The following DDI2 variants were observed in gnomAD, a reference collection of about 807,000 sequenced individuals.
The protein encoded by DDI2 is protein DDI1 homolog 2.
A neutral mutation model predicts 48.1 loss-of-function variants in DDI2; 5 were observed. The ratio of observed to expected loss-of-function variants is 0.10; its 90% confidence interval spans 0.05 to 0.22. The LOEUF (loss-of-function observed/expected upper bound fraction) is 0.22, where lower values mean the gene tolerates loss of function less well. Ranked by LOEUF, DDI2 falls within the 10% of genes least tolerant of loss-of-function variation. DDI2 has a pLI of 1.00. For synonymous variants in DDI2, 205 were observed against 183.6 expected (o/e 1.12, Z -0.94); for missense variants, 285 against 506.2 (o/e 0.56, Z 4.19).
Position 15,661,055 on chromosome 1 carries a change from C to G in DDI2, c.*1265C>G. The G allele has an allele frequency of 6.2e-7, 1 of 1,614,168 alleles. No individual in the cohort carries two copies. ...GGCCAAACCAGTATTAAAGACCTTTCTGAAAGATGGACCCAAAATGAGCAT... is the reference window on the plus strand; with the variant it reads ...GGCCAAACCAGTATTAAAGACCTTTGTGAAAGATGGACCCAAAATGAGCAT... On this transcript the variant is annotated 3_prime_UTR_variant, in exon 10 of 10. Coordinates refer to ENST00000480945, the MANE Select transcript of DDI2 (RefSeq NM_032341.5).
chr1:15,653,973 G>A (rs909741864), intron 8 of DDI2, among the ~76,000 whole-genome samples: 2 of 152,160 alleles, frequency 1.3e-5, no homozygotes, highest in African/African-American at 4.8e-5. Flanking sequence ...GTAAAATGGG[G>A]TAACAGTTTT....
intron 7 of DDI2, among the ~76,000 whole-genome samples, chr1:15,650,711 G>A (rs1325161874): frequency 6.6e-6 from 1 of 152,032 alleles, no homozygotes; most frequent in Non-Finnish European, 1.5e-5. Flanking sequence ...CTGGGTAACA[G>A]AGCAAAACCA....
In DDI2 at chr1:15,660,164, A is replaced by C. The variant is rs1640341837; in HGVS notation, c.*374A>C. On this transcript the variant is annotated 3_prime_UTR_variant, in exon 10 of 10. Transcript: ENST00000480945. The stretch of plus-strand genomic sequence containing the variant: ...CAGAGTCCAGCTATGCCTATGCAGA[A>C]TTCATCCGAAGAAATAACTGTTGCA... 13 of 1,614,224 alleles carry C rather than the reference A, an allele frequency of 8.1e-6. No homozygotes were observed. The highest frequency in any genetic ancestry group is 1.0e-5 in the Non-Finnish European group (12 of 1,180,038).
At chr1:15,635,048 T>G (rs918463632) in intron 4 of DDI2, among the ~76,000 whole-genome samples, 1 of 151,998 alleles carries the variant, frequency 6.6e-6, no homozygotes, top group African/African-American at 2.4e-5. Flanking sequence ...GGCAGCAAAG[T>G]GAGACTCTGT....
intron 5 of DDI2, among the ~76,000 whole-genome samples, chr1:15,641,242 C>A (rs1386701964): frequency 6.6e-6 from 1 of 151,950 alleles, no homozygotes; most frequent in Non-Finnish European, 1.5e-5. Flanking sequence ...GAGGCTGAGG[C>A]GGGTAGACCA....
At chr1:15,623,957 A>G (rs1639712674) in intron 1 of DDI2, among the ~76,000 whole-genome samples, 1 of 152,062 alleles carries the variant, frequency 6.6e-6, no homozygotes, top group South Asian at 2.1e-4. Flanking sequence ...CCAGCTACTC[A>G]GGAGGCTGAA....
chr1:15,625,156 A>G (rs557599711), intron 1 of DDI2, among the ~76,000 whole-genome samples: 5 of 152,346 alleles, frequency 3.3e-5, no homozygotes, highest in East Asian at 1.9e-4. Context: ...GAAAGCTGTA[A>G]GGAAACATAG....
chr1:15,661,790 G>A lies in DDI2; in HGVS notation c.*2000G>A, dbSNP rs569043312. 15 of 1,503,604 alleles carry A rather than the reference G, an allele frequency of 1.0e-5. No homozygotes were observed. Among genetic ancestry groups the A allele is most frequent in the East Asian group, 9.3e-5 (4 of 43,168 alleles). The allele number at this position is 1,503,604 out of a possible 1,614,324, so 93.1% of individuals were successfully genotyped here. On this transcript the variant is annotated 3_prime_UTR_variant, in exon 10 of 10. Transcript: ENST00000480945. ...AAAAGAAAGCTCTCTCTATATACAC[G>A]CACACATACACACTCACCACATATA...
Position 15,656,597 on chromosome 1 carries a change from C to CT in DDI2, c.1184-19dup. 6.2e-7 allele frequency: 1 copy of CT among 1,614,146 alleles called. No homozygotes were observed. Among genetic ancestry groups the CT allele is most frequent in the South Asian group, 1.1e-5 (1 of 91,076 alleles). Reference sequence around the variant, plus strand: ...GCATTGTTAACCCAAGTTTGCTTGTCTGTTTCCTAATTCACACAGAGCGTC... The same window carrying CT: ...GCATTGTTAACCCAAGTTTGCTTGTCTTGTTTCCTAATTCACACAGAGCGTC... On this transcript the variant is annotated intron_variant, in intron 8 of 9. Transcript: ENST00000480945.
intron 1 of DDI2, among the ~76,000 whole-genome samples, chr1:15,619,794 C>T (rs183175630): frequency 6.6e-4 from 100 of 152,092 alleles, no homozygotes; most frequent in African/African-American, 2.4e-3. Flanking sequence ...TGTTATATTA[C>T]CCTGGTTATG....
In DDI2 at chr1:15,667,781, TAC is replaced by T. The variant is rs1420905770; in HGVS notation, c.*7993_*7994del. The T allele has an allele frequency of 6.6e-6, 1 of 152,232 alleles. No homozygotes were observed. Among genetic ancestry groups the T allele is most frequent in the African/African-American group, 2.4e-5 (1 of 41,454 alleles). The allele number at this position is 152,232 out of a possible 1,614,324, so 9.4% of individuals were successfully genotyped here. On this transcript the variant is annotated 3_prime_UTR_variant, in exon 10 of 10. Transcript: ENST00000480945. ...GTAACTACTAGTGACTTCTGAGGTT[TAC>T]AGTTAGAAAATGTTCTCAAAGGTTT...
chr1:15,617,724 C>T lies in DDI2; in HGVS notation c.54C>T (p.Ser18=), dbSNP rs747862615. ...GGGACCTCTCCGAGGTGACCTTTTCCCTCCAGGTCGACGCCGACTTCGAGC... is the reference window on the plus strand; with the variant it reads ...GGGACCTCTCCGAGGTGACCTTTTCTCTCCAGGTCGACGCCGACTTCGAGC... ...VRRDLSEVTF[S]LQVDADFELH... The change falls in exon 1 of 10, where the codon TCC becomes TCT. Residue 18 remains serine (S), a synonymous_variant. Transcript: ENST00000480945. The T allele has an allele frequency of 5.6e-6, 9 of 1,610,874 alleles. No homozygotes were observed. Among genetic ancestry groups the T allele is most frequent in the Admixed American group, 3.3e-5 (2 of 59,756 alleles).
At chr1:15,639,809 A>G (rs1434212739) in intron 5 of DDI2, among the ~76,000 whole-genome samples, 1 of 152,010 alleles carries the variant, frequency 6.6e-6, no homozygotes, top group East Asian at 1.9e-4. Context: ...GAGTTTTGAG[A>G]CCAGCCTAGG....
At chr1:15,659,226 TC>T (rs1640319173) in intron 9 of DDI2, among the ~76,000 whole-genome samples, 1 of 152,178 alleles carries the variant, frequency 6.6e-6, no homozygotes, top group African/African-American at 2.4e-5. Flanking sequence ...TCTTTATAAT[TC>T]CCTCTCTGTC....
rs1404711626 is a variant in DDI2, at chr1:15,661,773, GCT to G, written c.*1990_*1991del. The G allele has an allele frequency of 5.2e-6, 8 of 1,539,842 alleles. No individual in the cohort carries two copies. Among genetic ancestry groups the G allele is most frequent in the African/African-American group, 2.8e-5 (2 of 72,548 alleles). On this transcript the variant is annotated 3_prime_UTR_variant, in exon 10 of 10. Coordinates refer to ENST00000480945, the MANE Select transcript of DDI2 (RefSeq NM_032341.5). ...CTCCATTCCCTTTAAACAAAAGAAA[GCT>G]CTCTCTATATACACGCACACATACA...
chr1:15,647,972 AT>A (rs898450030), intron 6 of DDI2, among the ~76,000 whole-genome samples: 2 of 151,738 alleles, frequency 1.3e-5, no homozygotes, highest in African/African-American at 4.8e-5. Context: ...CTCAAAAAAA[AT>A]TTTTTTTTAC....
At position 15,667,630 on chromosome 1, in the gene DDI2, G is replaced by C. The variant is rs1640475756; in HGVS notation, c.*7840G>C. 1.3e-5 allele frequency: 2 copies of C among 152,258 alleles called. No individual in the cohort carries two copies. Among genetic ancestry groups the C allele is most frequent in the Admixed American group, 6.5e-5 (1 of 15,286 alleles). 9.4% of individuals were successfully genotyped at this position (152,258 alleles called of 1,614,324 possible). On this transcript the variant is annotated 3_prime_UTR_variant, in exon 10 of 10. Transcript: ENST00000480945. ...TGGGATTGGTGGACAGGATTGACAGGAGTATTTGAGGCTCTACCAGGCCTG... is the reference window on the plus strand; with the variant it reads ...TGGGATTGGTGGACAGGATTGACAGCAGTATTTGAGGCTCTACCAGGCCTG...
intron 1 of DDI2, among the ~76,000 whole-genome samples, chr1:15,623,770 A>G (rs935523131): frequency 6.6e-6 from 1 of 152,100 alleles, no homozygotes; most frequent in Admixed American, 6.6e-5. Flanking sequence ...TCTCTTATAA[A>G]TAGTTAGTGG....
chr1:15,656,804 C>G (rs1347028184), intron 9 of DDI2, 125 bp downstream of exon 9: 2 of 1,368,262 alleles, frequency 1.5e-6, no homozygotes, highest in East Asian at 4.8e-5. Flanking sequence ...AATCTGGTTA[C>G]AACTAGCCTA....
Sources: allele counts gnomAD v4.1 joint callset (sites outside exome capture counted in the v4.1 genomes callset), GRCh38; gene constraint gnomAD v4.1.1; transcripts MANE v1.5; gene names NCBI Gene and HGNC (gene_info 2026-07-23, HGNC 2026-07-21).